Variants in AFAP1 observed in about 807,000 individuals in gnomAD.
AFAP1 encodes the protein actin filament-associated protein 1.
In AFAP1, 75 loss-of-function variants were observed where a neutral mutation model predicts 93.9. That is an observed-to-expected ratio of 0.80 (90% CI 0.66 to 0.97). AFAP1 has a LOEUF of 0.97. Ranked by LOEUF, AFAP1 falls within the 50% of genes least tolerant of loss-of-function variation. AFAP1 has a pLI of 0.00. For missense variants in AFAP1, 1,201 were observed against 1,050.8 expected, an observed-to-expected ratio of 1.14 and a Z score of -1.98; for synonymous variants, 517 against 430.7, an observed-to-expected ratio of 1.20 and a Z score of -2.48.
chr4:7,764,375 G>C (rs4689856), intron 17 of AFAP1, among the ~76,000 whole-genome samples: 105,231 of 151,294 alleles, frequency 0.7, 37,140 homozygotes, highest in Non-Finnish European at 0.77. Context: ...ACCGCATCAT[G>C]TCTATTTCAA....
intron 1 of AFAP1, among the ~76,000 whole-genome samples, chr4:7,893,161 A>C (rs1239720865): frequency 6.6e-6 from 1 of 152,216 alleles, no homozygotes; most frequent in Non-Finnish European, 1.5e-5. Flanking sequence ...ACTATTCCAG[A>C]TCAGTGGCTA....
intron 11 of AFAP1, among the ~76,000 whole-genome samples, chr4:7,788,330 G>C (rs1444191715): frequency 2.0e-5 from 3 of 152,216 alleles, no homozygotes; most frequent in African/African-American, 7.2e-5. Context: ...CGCCTCTTTG[G>C]TAAGAAGTCT....
At chr4:7,793,933 T>A in intron 10 of AFAP1, 107 bp from the exon 11 acceptor site, 1 of 1,263,856 alleles carries the variant, frequency 7.9e-7, no homozygotes, top group South Asian at 2.2e-5. Context: ...TGAAACATGA[T>A]GTCCCTAAGA....
At chr4:7,932,457 C>T (rs1318369479) in intron 1 of AFAP1, among the ~76,000 whole-genome samples, 1 of 152,194 alleles carries the variant, frequency 6.6e-6, no homozygotes, top group Non-Finnish European at 1.5e-5. Flanking sequence ...CAGCTGTTTC[C>T]ATTCTAGAAA....
At chr4:7,822,846 G>A (rs886854798) in intron 6 of AFAP1, among the ~76,000 whole-genome samples, 1 of 151,394 alleles carries the variant, frequency 6.6e-6, no homozygotes, top group African/African-American at 2.4e-5. Context: ...GCCCGCATCG[G>A]CCTCCCAAAG....
intron 7 of AFAP1, among the ~76,000 whole-genome samples, chr4:7,816,386 T>A (rs1384367955): frequency 6.6e-6 from 1 of 152,196 alleles, no homozygotes; most frequent in African/African-American, 2.4e-5. Context: ...AATCACTTCT[T>A]GTAAATGATT....
intron 10 of AFAP1, among the ~76,000 whole-genome samples, chr4:7,795,677 G>C (rs540226155): frequency 1.3e-5 from 2 of 151,774 alleles, no homozygotes; most frequent in South Asian, 4.2e-4. Flanking sequence ...TGCCCACCTC[G>C]GCCTCCCAAA....
At chr4:7,821,366 A>G (rs537191496) in intron 6 of AFAP1, among the ~76,000 whole-genome samples, 6 of 152,212 alleles carry the variant, frequency 3.9e-5, no homozygotes, top group Non-Finnish European at 7.3e-5. Context: ...ATGACCTATG[A>G]TAAGAGCTCA....
chr4:7,781,650 G>A, intron 12 of AFAP1, 23 bp from the exon 13 acceptor site: 2 of 1,550,022 alleles, frequency 1.3e-6, no homozygotes, highest in Non-Finnish European at 8.7e-7. Flanking sequence ...TAGCTTTGTG[G>A]TTAGTGACTT....
intron 1 of AFAP1, among the ~76,000 whole-genome samples, chr4:7,891,488 A>G (rs1406598728): frequency 1.3e-5 from 2 of 152,160 alleles, no homozygotes; most frequent in Non-Finnish European, 2.9e-5. Context: ...GAACTTTAAG[A>G]GATTTTGCTA....
chr4:7,889,295 T>A (rs1372725920), intron 1 of AFAP1, among the ~76,000 whole-genome samples: 1 of 151,918 alleles, frequency 6.6e-6, no homozygotes, highest in Non-Finnish European at 1.5e-5. Flanking sequence ...CTGCCTGTAA[T>A]CCCAGCACTT....
At chr4:7,795,030 T>C (rs1718262232) in intron 10 of AFAP1, among the ~76,000 whole-genome samples, 1 of 152,212 alleles carries the variant, frequency 6.6e-6, no homozygotes, top group Admixed American at 6.5e-5. Flanking sequence ...GATCTCTAAG[T>C]TGAGCTTAAA....
chr4:7,844,645 G>A (rs1473673713), intron 4 of AFAP1, among the ~76,000 whole-genome samples: 1 of 152,240 alleles, frequency 6.6e-6, no homozygotes, highest in Admixed American at 6.5e-5. Flanking sequence ...CTGGCACAGG[G>A]CAAGTGCCCA....
chr4:7,844,183 T>TA (rs140828894), intron 4 of AFAP1, among the ~76,000 whole-genome samples: 58,023 of 151,908 alleles, frequency 0.38, 12,471 homozygotes, highest in Non-Finnish European at 0.48. Flanking sequence ...GCTCTAACCA[T>TA]ATGACTATAT....
At chr4:7,843,491 A>C (rs937312142) in intron 4 of AFAP1, 141 bp from the exon 5 acceptor site, 1 of 758,140 alleles carries the variant, frequency 1.3e-6, no homozygotes, top group African/African-American at 1.8e-5. Flanking sequence ...GGAAAAAACA[A>C]AAACAAAAAC....
intron 1 of AFAP1, among the ~76,000 whole-genome samples, chr4:7,914,792 G>A (rs1052861268): frequency 1.3e-5 from 2 of 152,114 alleles, no homozygotes; most frequent in African/African-American, 4.8e-5. Flanking sequence ...TGCCCAGGCT[G>A]GAGTACAGTG....
At chr4:7,787,134 T>A (rs939089762) in intron 11 of AFAP1, among the ~76,000 whole-genome samples, 3 of 152,380 alleles carry the variant, frequency 2.0e-5, no homozygotes, top group African/African-American at 7.2e-5. Flanking sequence ...GAGAGCTGGT[T>A]GCCAGGGAAA....
At chr4:7,764,513 C>A (rs1714278062) in intron 17 of AFAP1, among the ~76,000 whole-genome samples, 1 of 151,136 alleles carries the variant, frequency 6.6e-6, no homozygotes, top group Non-Finnish European at 1.5e-5. Context: ...GTGCTTAATG[C>A]CACTGAACTG....
rs564143482 is a variant in AFAP1 at position 7,843,301 on chromosome 4, C to T, written c.384G>A (p.Glu128=). 2.5e-6 allele frequency: 4 copies of T among 1,614,126 alleles called. No individual in the cohort carries two copies. The highest frequency in any genetic ancestry group is 3.3e-5 in the Admixed American group (2 of 60,008). ...TTTTCTTCCCCTTCCCATCCTCCTC[C>T]TCTTCATCATACGACTCATAAGAGC... ...MSSSYESYDE[E]EEDGKGKKTR... The change falls in exon 5 of 18, where the codon GAG becomes GAA. Residue 128 remains glutamate, a synonymous_variant. Transcript: ENST00000420658.
Sources: gnomAD v4.1 joint callset for allele counts (sites outside exome capture counted in the v4.1 genomes callset) on GRCh38, gnomAD v4.1.1 for gene constraint, MANE v1.5 for transcripts, NCBI Gene and HGNC (gene_info 2026-07-23, HGNC 2026-07-21) for gene names.